The following CRTAC1 variants were observed in gnomAD, a reference collection of about 807,000 sequenced individuals.
CRTAC1 encodes acidic secreted protein in cartilage.
A neutral mutation model predicts 67.8 loss-of-function variants in CRTAC1; 37 were observed. The observed-to-expected ratio is 0.55, with a 90% confidence interval of 0.42 to 0.72. The LOEUF (loss-of-function observed/expected upper bound fraction) is 0.72, where lower values mean the gene tolerates loss of function less well. Among genes scored for constraint, CRTAC1 ranks in the 30% least tolerant of loss-of-function variants. The probability of loss-of-function intolerance (pLI) is 0.00; values close to 1 mark genes in which losing one functional copy is unlikely to be tolerated. For synonymous variants in CRTAC1, 348 were observed against 371.0 expected, an observed-to-expected ratio of 0.94 and a Z score of 0.71; for missense variants, 780 against 931.6, an observed-to-expected ratio of 0.84 and a Z score of 2.12.
At chr10:97,915,706 T>C (rs2050749580) in intron 5 of CRTAC1, among the ~76,000 whole-genome samples, 2 of 144,740 alleles carry the variant, frequency 1.4e-5, no homozygotes, top group East Asian at 4.1e-4. Flanking sequence ...GGCTACAGGG[T>C]AGTGTTGGGG....
chr10:97,911,350 T>C (rs977626991), intron 5 of CRTAC1, among the ~76,000 whole-genome samples: 4 of 152,246 alleles, frequency 2.6e-5, no homozygotes, highest in Non-Finnish European at 2.9e-5. Flanking sequence ...AATTAACTAA[T>C]TGGGTTGGGT....
In CRTAC1 at chr10:97,895,115, C is replaced by T. The variant is rs2050436970; in HGVS notation, c.1486+130G>A. On this transcript the variant is annotated intron_variant, in intron 11 of 14. Coordinates refer to ENST00000370597, the MANE Select transcript of CRTAC1 (RefSeq NM_018058.7). This position sits in a 1 kb window ranked among gnomAD's most constrained non-coding sequence, Gnocchi z 4.2. ...GCTCATCTCAGAGTAGGGTTTGTCCCCAGTAGCTGGTGTCCACCATGGCTG... is the reference window on the plus strand; with the variant it reads ...GCTCATCTCAGAGTAGGGTTTGTCCTCAGTAGCTGGTGTCCACCATGGCTG... 15 of 885,910 alleles carry T rather than the reference C, an allele frequency of 1.7e-5. No homozygotes were observed. In the South Asian group the frequency reaches 2.4e-4, roughly 14 times the overall value. The allele number at this position is 885,910 out of a possible 1,614,324, so 54.9% of individuals were successfully genotyped here.
At chr10:97,963,051 G>A (rs560268565) in intron 2 of CRTAC1, among the ~76,000 whole-genome samples, 51 of 152,126 alleles carry the variant, frequency 3.4e-4, no homozygotes, top group African/African-American at 1.2e-3. Context: ...CCCATAGACT[G>A]TTGGCTAGCA....
rs57577065 is a variant in CRTAC1 at position 97,879,574 on chromosome 10, A to G, written c.1819+675T>C. 3.5e-3 allele frequency: 4,789 copies of G among 1,373,656 alleles called. 145 individuals carry two copies. The African/African-American group carries it at 0.063, about 18-fold the overall frequency. The allele number at this position is 1,373,656 out of a possible 1,614,324, so 85.1% of individuals were successfully genotyped here. ...CCCCTGTTGTCCATTCAGAGGGAGC[A>G]CACAGCAGAACCTACTGGGCGTGGA... On this transcript the variant is annotated intron_variant, in intron 14 of 14. Coordinates refer to ENST00000370597, the MANE Select transcript of CRTAC1 (RefSeq NM_018058.7).
intron 6 of CRTAC1, among the ~76,000 whole-genome samples, chr10:97,907,731 CA>C (rs1226480483): frequency 6.6e-6 from 1 of 152,070 alleles, no homozygotes; most frequent in Non-Finnish European, 1.5e-5. Context: ...GAGACACAAG[CA>C]GGACTTGGAG....
intron 2 of CRTAC1, among the ~76,000 whole-genome samples, chr10:97,979,657 A>T (rs2136661750): frequency 6.6e-6 from 1 of 152,346 alleles, no homozygotes; most frequent in Middle Eastern, 3.4e-3. Flanking sequence ...CTGAGGCAGC[A>T]GAGCGGTGGT....
At chr10:97,886,540 A>C (rs1035944377) in intron 11 of CRTAC1, among the ~76,000 whole-genome samples, 4 of 152,242 alleles carry the variant, frequency 2.6e-5, no homozygotes, top group African/African-American at 9.6e-5. Flanking sequence ...TGCTTTATCA[A>C]GCAAGAAATT....
chr10:97,921,901 CTT>C lies in CRTAC1; in HGVS notation c.558+1361_558+1362del, dbSNP rs55837214. On this transcript the variant is annotated intron_variant, in intron 4 of 14. Coordinates refer to ENST00000370597, the MANE Select transcript of CRTAC1 (RefSeq NM_018058.7). ...CTCCTGTGCTGCAGTGCCAGGTCATCTTTTTTTTTTTTTTTCATTTCACATAG... is the reference window on the plus strand; with the variant it reads ...CTCCTGTGCTGCAGTGCCAGGTCATCTTTTTTTTTTTTTCATTTCACATAG... 2.9e-3 allele frequency among the ~76,000 whole-genome samples: 418 copies of C among 144,812 alleles called. 1 individual carries two copies. Among genetic ancestry groups the C allele is most frequent in the East Asian group, 0.019 (91 of 4,898 alleles).
At chr10:97,959,490 T>C (rs987749181) in intron 2 of CRTAC1, among the ~76,000 whole-genome samples, 1 of 152,226 alleles carries the variant, frequency 6.6e-6, no homozygotes, top group African/African-American at 2.4e-5. Flanking sequence ...GCTCATTCCA[T>C]GGAACATGGG....
In CRTAC1 at chr10:97,972,898, A is replaced by AT. The variant is rs1032142392; in HGVS notation, c.225-36533dup. Reference sequence around the variant, plus strand: ...CCAAGACATTGATGGAATTCCAAGGATTTTTTTTTTCACAATTTAACCTCT... The same window carrying AT: ...CCAAGACATTGATGGAATTCCAAGGATTTTTTTTTTTCACAATTTAACCTCT... On this transcript the variant is annotated intron_variant, in intron 2 of 14. Transcript: ENST00000370597. Among the ~76,000 whole-genome samples, 126 of 150,720 alleles carry AT rather than the reference A, an allele frequency of 8.4e-4. 1 individual carries two copies. The highest frequency in any genetic ancestry group is 3.4e-3 in the Middle Eastern group (1 of 294).
At chr10:97,869,179 C>T (rs2050062847) in intron 14 of CRTAC1, 1 of 152,292 alleles carries the variant, frequency 6.6e-6, no homozygotes, top group Admixed American at 6.5e-5. Context: ...GGAGCCATGC[C>T]TGGGTTTTGA....
intron 3 of CRTAC1, among the ~76,000 whole-genome samples, chr10:97,928,805 G>A (rs879926343): frequency 2.0e-5 from 3 of 152,070 alleles, no homozygotes; most frequent in Non-Finnish European, 4.4e-5. Flanking sequence ...GTTTGCCCAG[G>A]GAGGGGGGTT....
chr10:97,898,315 T>C (rs1478484751), intron 8 of CRTAC1, among the ~76,000 whole-genome samples: 2 of 152,080 alleles, frequency 1.3e-5, no homozygotes, highest in Non-Finnish European at 1.5e-5. Flanking sequence ...GGAGAGTGGG[T>C]CATGGGGAGT....
intron 2 of CRTAC1, among the ~76,000 whole-genome samples, chr10:97,997,083 T>G (rs1322500093): frequency 6.3e-4 from 42 of 66,506 alleles, no homozygotes; most frequent in East Asian, 1.4e-3. Context: ...TGGGGACTGT[T>G]GTGGGGTGGG....
chr10:97,908,263 TG>T (rs903386387), intron 5 of CRTAC1, 116 bp from the exon 6 acceptor site: 26 of 1,113,384 alleles, frequency 2.3e-5, no homozygotes, highest in African/African-American at 1.7e-4. Context: ...CAGAGGAGCC[TG>T]GGGGGAATTC....
At chr10:97,875,073 A>G (rs2050131968) in intron 14 of CRTAC1, among the ~76,000 whole-genome samples, 4 of 152,238 alleles carry the variant, frequency 2.6e-5, no homozygotes, top group Admixed American at 2.0e-4. Flanking sequence ...CATCACATGA[A>G]CAACTGGTTA....
intron 2 of CRTAC1, among the ~76,000 whole-genome samples, chr10:97,957,877 G>A (rs553846698): frequency 6.6e-6 from 1 of 152,244 alleles, no homozygotes; most frequent in East Asian, 1.9e-4. Context: ...ACAGGAAATG[G>A]CAGGAACAAT....
chr10:97,936,875 G>A (rs1329333843), intron 2 of CRTAC1, among the ~76,000 whole-genome samples: 2 of 152,128 alleles, frequency 1.3e-5, no homozygotes, highest in Admixed American at 6.5e-5. Context: ...AAGGTAACAC[G>A]GCCTAGGAAG....
At chr10:97,954,692 G>C (rs778884999) in intron 2 of CRTAC1, among the ~76,000 whole-genome samples, 1 of 152,170 alleles carries the variant, frequency 6.6e-6, no homozygotes, top group East Asian at 1.9e-4. Context: ...TAGGGCTGCC[G>C]TAACAAAGTG....
Sources: gnomAD v4.1 joint callset for allele counts (sites outside exome capture counted in the v4.1 genomes callset) on GRCh38, gnomAD v4.1.1 for gene constraint, Gnocchi (gnomAD v3.1) non-coding constraint, MANE v1.5 for transcripts, NCBI Gene and HGNC (gene_info 2026-07-23, HGNC 2026-07-21) for gene names.